The following GAREM2 variants were observed in gnomAD, a reference collection of about 807,000 sequenced individuals.
The protein encoded by GAREM2 is GRB2-associated and regulator of MAPK protein 2.
GAREM2 carries 30 observed loss-of-function variants against 55.6 expected under a neutral mutation model. The observed-to-expected ratio is 0.54, with a 90% CI of 0.40 to 0.73. The LOEUF (loss-of-function observed/expected upper bound fraction) is 0.73, where lower values mean the gene tolerates loss of function less well. Among genes scored for constraint, GAREM2 ranks in the 30% least tolerant of loss-of-function variants. GAREM2 has a pLI of 0.00. For synonymous variants in GAREM2, 550 were observed against 569.1 expected (o/e 0.97, Z 0.48); for missense variants, 1,075 against 1,257.7 (o/e 0.85, Z 2.20).
At chr2:26,173,387 C>T (rs1574582379) in intron 1 of GAREM2, 55 bp downstream of exon 1, 5 of 1,034,634 alleles carry the variant, frequency 4.8e-6, no homozygotes, top group Non-Finnish European at 5.2e-6. Context: ...GGTGGGCTCT[C>T]CAGCCAGGGG....
Position 26,185,158 on chromosome 2 carries a change from G to T in GAREM2, c.1310G>T (p.Gly437Val). The change falls in exon 4 of 6, where the codon GGG becomes GTG. Residue 437 changes from glycine to valine, a missense_variant. Physicochemically the swap from Gly to Val is moderately radical, Grantham distance 109. Coordinates refer to ENST00000401533, the MANE Select transcript of GAREM2 (RefSeq NM_001168241.2). ...IPYEELWAHQ[G>V]PEGLVRPPPG... is the part of the protein sequence containing the mutation. ...TACGAGGAGTTGTGGGCGCACCAGG[G>T]GCCCGAGGGCCTCGTCCGGCCGCCC... 1 of 1,504,484 alleles carries T rather than the reference G, an allele frequency of 6.6e-7. No individual in the cohort carries two copies. Among genetic ancestry groups the T allele is most frequent in the Non-Finnish European group, 8.8e-7 (1 of 1,134,036 alleles). 93.2% of individuals were successfully genotyped at this position (1,504,484 alleles called of 1,614,324 possible).
Position 26,186,283 on chromosome 2 carries a change from C to G in GAREM2, c.1523C>G (p.Pro508Arg). 6.4e-7 allele frequency: 1 copy of G among 1,551,264 alleles called. No individual in the cohort carries two copies. Among genetic ancestry groups the G allele is most frequent in the Non-Finnish European group, 8.7e-7 (1 of 1,146,842 alleles). ...CTCTCCAGCAGCCCCCCGGTTCCCC[C>G]TCGCTTCCCCAAGCTGCAGCCGGTA... ...GRLSSSPPVP[P>R]RFPKLQPVHS... Residue 508 changes from proline (P) to arginine (R), a missense_variant, in exon 5 of 6, where the codon CCT becomes CGT. Coordinates refer to ENST00000401533, the MANE Select transcript of GAREM2 (RefSeq NM_001168241.2).
At position 26,182,417 on chromosome 2, in the gene GAREM2, G is replaced by A. The variant is rs1223825918; in HGVS notation, c.254-550G>A. On this transcript the variant is annotated intron_variant, in intron 2 of 5. Transcript: ENST00000401533. ...GTTCTCCCAGGGCCTTCAAGGGCTG[G>A]GCCAGGCCCTGGTTGGCCCAGTGCC... 5 of 1,549,970 alleles carry A rather than the reference G, an allele frequency of 3.2e-6. No homozygotes were observed. In the Admixed American group the frequency reaches 9.8e-5, roughly 30 times the overall value.
Position 26,173,246 on chromosome 2 carries a change from C to T in GAREM2, c.26C>T (p.Ala9Val). 7 of 1,347,484 alleles carry T rather than the reference C, an allele frequency of 5.2e-6. No homozygotes were observed. The highest frequency in any genetic ancestry group is 5.7e-6 in the Non-Finnish European group (6 of 1,046,358). 83.5% of individuals were successfully genotyped at this position (1,347,484 alleles called of 1,614,324 possible). A position where few individuals can be genotyped will look rare whatever the true frequency, so the allele number is the denominator to read the frequency against. Residue 9 changes from alanine (A) to valine (V), a missense_variant, in exon 1 of 6, where the codon GCC becomes GTC. This residue lies in a region of GAREM2 where 230 missense variants were observed against 310.6 expected (regional missense o/e 0.74). Transcript: ENST00000401533. MEKLAAGL[A>V]GLRWSMGAFP... is the part of the protein sequence containing the mutation. ...ATGGAGAAGCTGGCGGCCGGGCTGGCCGGCCTGCGCTGGAGCATGGGCGCC... is the reference window on the plus strand; with the variant it reads ...ATGGAGAAGCTGGCGGCCGGGCTGGTCGGCCTGCGCTGGAGCATGGGCGCC...
rs544952908 is a variant in GAREM2 at position 26,187,671 on chromosome 2, C to A, written c.2039C>A (p.Pro680His). ...SPGQAYSAAP[P>H]SSCAPSSSSS... ...GGCCAGGCCTATTCAGCTGCTCCCC[C>A]CTCCTCCTGCGCCCCCTCCTCCTCC... Residue 680 changes from proline to histidine, a missense_variant, in exon 6 of 6, where the codon CCC (proline) becomes CAC (histidine). This residue lies in a region of GAREM2 where 515 missense variants were observed against 501.5 expected (regional missense o/e 1.03). Coordinates refer to ENST00000401533, the MANE Select transcript of GAREM2 (RefSeq NM_001168241.2). 1.2e-4 allele frequency: 185 copies of A among 1,517,704 alleles called. No homozygotes were observed. The highest frequency in any genetic ancestry group is 1.1e-3 in the African/African-American group (78 of 71,826). 94.0% of individuals were successfully genotyped at this position (1,517,704 alleles called of 1,614,324 possible).
At chr2:26,182,874 T>TGG (rs1669098067) in intron 2 of GAREM2, 93 bp from the exon 3 acceptor site, 2 of 1,460,420 alleles carry the variant, frequency 1.4e-6, no homozygotes, top group Admixed American at 2.1e-5. Context: ...TGGCCGAGAT[T>TGG]ATGGTAGCAA....
At chr2:26,201,547 A>G in the GAREM2 span, among the ~76,000 whole-genome samples, 1 of 152,230 alleles carries the variant, frequency 6.6e-6, no homozygotes, top group Non-Finnish European at 1.5e-5. Flanking sequence ...ACTCCCAAGT[A>G]CACATTCTTT....
chr2:26,195,289 G>A, the GAREM2 span: 3 of 1,431,534 alleles, frequency 2.1e-6, no homozygotes, highest in Non-Finnish European at 2.0e-6. Flanking sequence ...GAACCTGAGA[G>A]CATTCCTTCT....
At chr2:26,197,912 A>G in the GAREM2 span, 1 of 718,290 alleles carries the variant, frequency 1.4e-6, no homozygotes, top group East Asian at 2.6e-5. Flanking sequence ...GATGTCACTC[A>G]CCCAGACATT....
chr2:26,195,513 CTAGATT>C, the GAREM2 span, among the ~76,000 whole-genome samples: 3 of 138,078 alleles, frequency 2.2e-5, no homozygotes, highest in South Asian at 6.7e-4. Context: ...CGAGGCCAAA[CTAGATT>C]TATTGGGGAA....
chr2:26,190,285 G>A (rs192451450), downstream of GAREM2, among the ~76,000 whole-genome samples: 193 of 152,284 alleles, frequency 1.3e-3, 1 homozygote, highest in South Asian at 4.6e-3. Context: ...TTACGATTCC[G>A]CACACACTCA....
the GAREM2 span, among the ~76,000 whole-genome samples, chr2:26,201,801 T>A: frequency 2.3e-4 from 35 of 151,512 alleles, no homozygotes; most frequent in South Asian, 1.0e-3. Flanking sequence ...TTTTTTTTTT[T>A]ATTTATTTTT....
the GAREM2 span, chr2:26,195,380 G>C: frequency 5.2e-6 from 4 of 765,026 alleles, no homozygotes; most frequent in Non-Finnish European, 9.4e-6. Context: ...GGTTCCATGG[G>C]TCTTTGATAA....
chr2:26,182,931 G>GGCCC, intron 2 of GAREM2, 36 bp from the exon 3 acceptor site: 5 of 1,549,310 alleles, frequency 3.2e-6, no homozygotes, highest in Non-Finnish European at 4.4e-6. Context: ...CCAGCAGGCA[G>GGCCC]GCCCACTCCA....
At chr2:26,185,653 T>C (rs1036447148) in intron 4 of GAREM2, among the ~76,000 whole-genome samples, 2 of 152,136 alleles carry the variant, frequency 1.3e-5, no homozygotes, top group Non-Finnish European at 2.9e-5. Flanking sequence ...TTTTCCCTCC[T>C]CATATTGGAG....
chr2:26,191,826 A>G (rs1449757259), downstream of GAREM2, among the ~76,000 whole-genome samples: 1 of 152,220 alleles, frequency 6.6e-6, no homozygotes, highest in African/African-American at 2.4e-5. Context: ...CCTAATTAAC[A>G]TGAAACTGAG....
At chr2:26,197,683 G>A in the GAREM2 span, 8 of 1,279,520 alleles carry the variant, frequency 6.3e-6, no homozygotes, top group African/African-American at 5.8e-5. Context: ...TCTCTGTTCC[G>A]AGTTTACCTT....
chr2:26,198,214 G>A, the GAREM2 span, among the ~76,000 whole-genome samples: 1 of 152,084 alleles, frequency 6.6e-6, no homozygotes, highest in Non-Finnish European at 1.5e-5. Context: ...GTGCATGCTT[G>A]TCTCATTTTA....
Position 26,187,470 on chromosome 2 carries a change from C to T in GAREM2, c.1838C>T (p.Pro613Leu). 6.5e-7 allele frequency: 1 copy of T among 1,548,386 alleles called. No individual in the cohort carries two copies. The highest frequency in any genetic ancestry group is 8.7e-7 in the Non-Finnish European group (1 of 1,145,482). The stretch of plus-strand genomic sequence containing the variant: ...GTTAAGACCTACCACAGCTGCCCTC[C>T]TCTATTCAAGCCCTCACATCCCCAG... ...TPVKTYHSCP[P>L]LFKPSHPQKR... The change falls in exon 6 of 6, where the codon CCT (proline) becomes CTT (leucine). Residue 613 changes from proline to leucine, a missense_variant. Physicochemically the swap from Pro to Leu is moderately conservative, Grantham distance 98 (BLOSUM62 -3). Transcript: ENST00000401533.
Sources: allele counts gnomAD v4.1 joint callset (sites outside exome capture counted in the v4.1 genomes callset), GRCh38; gene constraint gnomAD v4.1.1; regional missense constraint gnomAD v4.1.1; transcripts MANE v1.5; gene names NCBI Gene and HGNC (gene_info 2026-07-23, HGNC 2026-07-21).